The following BAIAP2 variants were observed in gnomAD, a reference collection of about 807,000 sequenced individuals.
BAIAP2 encodes BAR/IMD domain containing adaptor protein 2.
A neutral mutation model predicts 63.0 loss-of-function variants in BAIAP2; 18 were observed. That is an observed-to-expected ratio of 0.29 (90% CI 0.20 to 0.42). The LOEUF is 0.42. Among genes scored for constraint, BAIAP2 ranks in the 10% least tolerant of loss-of-function variants. The pLI, the probability that BAIAP2 is intolerant of heterozygous loss-of-function variation, is 1.00. For missense variants in BAIAP2, 610 were observed against 734.3 expected, an observed-to-expected ratio of 0.83 and a Z score of 1.96; for synonymous variants, 386 against 307.6, an observed-to-expected ratio of 1.25 and a Z score of -2.67.
At chr17:81,040,568 T>C (rs936784975) in intron 1 of BAIAP2, among the ~76,000 whole-genome samples, 1 of 152,246 alleles carries the variant, frequency 6.6e-6, no homozygotes, top group Non-Finnish European at 1.5e-5. Context: ...CCTTTGGGCA[T>C]GGAACGGCGG....
intron 1 of BAIAP2, among the ~76,000 whole-genome samples, chr17:81,043,992 T>C (rs986199545): frequency 1.3e-5 from 2 of 152,218 alleles, no homozygotes; most frequent in African/African-American, 4.8e-5. Flanking sequence ...GGACAGAAAG[T>C]TCTTCAGAGA....
intron 2 of BAIAP2, among the ~76,000 whole-genome samples, chr17:81,055,027 A>C (rs2049238643): frequency 6.6e-6 from 1 of 152,138 alleles, no homozygotes; most frequent in South Asian, 2.1e-4. Flanking sequence ...CCCAGCAGGG[A>C]GGAGATCGTG....
intron 1 of BAIAP2, among the ~76,000 whole-genome samples, chr17:81,045,223 A>G (rs1020906458): frequency 6.6e-6 from 1 of 152,134 alleles, no homozygotes; most frequent in Non-Finnish European, 1.5e-5. Flanking sequence ...CGCCAGGGGA[A>G]AGCTCGCAGA....
intron 6 of BAIAP2, among the ~76,000 whole-genome samples, chr17:81,089,782 G>A (rs2145450845): frequency 6.6e-6 from 1 of 152,246 alleles, no homozygotes; most frequent in South Asian, 2.1e-4. Flanking sequence ...GCACCTGTGA[G>A]TGGGTCTGGG....
chr17:81,036,960 G>C (rs906545667), intron 1 of BAIAP2: 37 of 1,535,790 alleles, frequency 2.4e-5, no homozygotes, highest in Non-Finnish European at 3.2e-5. Context: ...AGTTGGCAGG[G>C]GGTGAGTACA....
At chr17:81,093,961 C>A (rs572231651) in intron 6 of BAIAP2, among the ~76,000 whole-genome samples, 5 of 150,382 alleles carry the variant, frequency 3.3e-5, no homozygotes, top group African/African-American at 9.8e-5. Flanking sequence ...TGAGGACAGC[C>A]GTGTGGCCAT....
chr17:81,049,081 G>A (rs1000150392), intron 1 of BAIAP2, among the ~76,000 whole-genome samples: 4 of 152,260 alleles, frequency 2.6e-5, no homozygotes, highest in African/African-American at 9.6e-5. Context: ...GTCCGTGCCG[G>A]CCCGGGAACG....
intron 3 of BAIAP2, among the ~76,000 whole-genome samples, chr17:81,075,265 C>G (rs2053463069): frequency 2.0e-5 from 3 of 152,238 alleles, no homozygotes; most frequent in Admixed American, 6.5e-5. Flanking sequence ...CACTTCCTTG[C>G]TGCCCTCTCT....
intron 13 of BAIAP2, among the ~76,000 whole-genome samples, chr17:81,114,279 C>T (rs1487991995): frequency 2.0e-5 from 3 of 152,078 alleles, no homozygotes; most frequent in African/African-American, 4.8e-5. Context: ...CAGCCAGCCC[C>T]ATTTCTAATC....
chr17:81,062,680 T>C (rs1355382125), intron 3 of BAIAP2, among the ~76,000 whole-genome samples: 5 of 120,122 alleles, frequency 4.2e-5, no homozygotes, highest in East Asian at 2.6e-4. Context: ...GAATTGTCTT[T>C]TTCTTTCCTT....
intron 4 of BAIAP2, chr17:81,085,220 C>T (rs367567683): frequency 4.8e-5 from 24 of 504,894 alleles, no homozygotes; most frequent in Non-Finnish European, 6.9e-5. Context: ...CTGGCCTCTC[C>T]GACTGTAGGC....
intron 5 of BAIAP2, 46 bp downstream of exon 5, chr17:81,085,771 C>T (rs1248949251): frequency 1.3e-5 from 19 of 1,500,710 alleles, no homozygotes; most frequent in African/African-American, 5.5e-5. Flanking sequence ...GCCTGGGCTC[C>T]GGCTCTCCCA....
At chr17:81,079,965 G>A (rs1326181057) in intron 3 of BAIAP2, among the ~76,000 whole-genome samples, 3 of 152,156 alleles carry the variant, frequency 2.0e-5, no homozygotes, top group East Asian at 1.9e-4. Flanking sequence ...GAGGGAGCCC[G>A]AGAACGCATG....
chr17:81,038,843 T>TCTGACAGGCACCTCCTG (rs761475178), intron 1 of BAIAP2, among the ~76,000 whole-genome samples: 12 of 152,190 alleles, frequency 7.9e-5, no homozygotes, highest in African/African-American at 9.6e-5. Flanking sequence ...GGGGGTGGTC[T>TCTGACAGGCACCTCCTG]CTGACAGGCA....
At chr17:81,098,358 G>A (rs898066792) in intron 6 of BAIAP2, among the ~76,000 whole-genome samples, 7 of 152,098 alleles carry the variant, frequency 4.6e-5, no homozygotes, top group African/African-American at 1.4e-4. Context: ...GGCTCACGTT[G>A]GAGAGGCCTG....
chr17:81,094,681 G>T (rs1036385529), intron 6 of BAIAP2, among the ~76,000 whole-genome samples: 4 of 152,146 alleles, frequency 2.6e-5, no homozygotes, highest in Non-Finnish European at 5.9e-5. Context: ...CCTGGGTACC[G>T]TGCCCATCAG....
intron 6 of BAIAP2, among the ~76,000 whole-genome samples, chr17:81,097,172 G>T (rs4074982): frequency 0.22 from 34,117 of 152,090 alleles, 4,554 homozygotes; most frequent in Admixed American, 0.36. Context: ...CCTCTGGAGG[G>T]TCAAGGCCTA....
rs2047535364 is a variant in BAIAP2 at position 81,044,564 on chromosome 17, C to T, written c.55-9104C>T. 1.3e-5 allele frequency among the ~76,000 whole-genome samples: 2 copies of T among 152,234 alleles called. 1 individual carries two copies. The highest frequency in any genetic ancestry group is 4.1e-4 in the South Asian group (2 of 4,834). On this transcript the variant is annotated intron_variant, in intron 1 of 13. Transcript: ENST00000428708. ...ACAGTTGCACTGCGCGATGCCGGGG[C>T]TTAGAACTTCAACACGTGCATCTTG...
chr17:81,099,293 C>T (rs2058167087), intron 6 of BAIAP2, among the ~76,000 whole-genome samples: 1 of 152,194 alleles, frequency 6.6e-6, no homozygotes, highest in African/African-American at 2.4e-5. Context: ...GTCTTAGCGT[C>T]CCGCTCCCCG....
Sources: gnomAD v4.1 joint callset for allele counts (sites outside exome capture counted in the v4.1 genomes callset) on GRCh38, gnomAD v4.1.1 for gene constraint, MANE v1.5 for transcripts, NCBI Gene and HGNC (gene_info 2026-07-23, HGNC 2026-07-21) for gene names.